ITPR2: variants seen among roughly 807,000 people sequenced by gnomAD.
The protein encoded by ITPR2 is inositol 1,4,5-trisphosphate receptor type 2.
ITPR2 carries 207 observed loss-of-function variants against 317.1 expected under a neutral mutation model. That is an observed-to-expected ratio of 0.65 (90% CI 0.58 to 0.73). The LOEUF (loss-of-function observed/expected upper bound fraction) is 0.73, where lower values mean the gene tolerates loss of function less well. Among genes scored for constraint, ITPR2 ranks in the 30% least tolerant of loss-of-function variants. The pLI is 0.00. For missense variants in ITPR2, 2,613 were observed against 3,284.0 expected (o/e 0.80, Z 4.99); for synonymous variants, 1,156 against 1,149.1 (o/e 1.01, Z -0.12).
At chr12:26,416,394 GT>G (rs540789738) in intron 50 of ITPR2, among the ~76,000 whole-genome samples, 119 of 152,258 alleles carry the variant, frequency 7.8e-4, no homozygotes, top group African/African-American at 2.8e-3. Context: ...ATAAATATCT[GT>G]TTGGAAATGA....
At chr12:26,785,322 C>G (rs1294710216) in intron 2 of ITPR2, among the ~76,000 whole-genome samples, 2 of 44,090 alleles carry the variant, frequency 4.5e-5, no homozygotes, top group Non-Finnish European at 1.2e-4. Flanking sequence ...GCCCCCCGCC[C>G]GGCCAGCCGC....
chr12:26,687,138 T>C (rs1316174511), intron 10 of ITPR2, among the ~76,000 whole-genome samples: 1 of 152,148 alleles, frequency 6.6e-6, no homozygotes, highest in African/African-American at 2.4e-5. Flanking sequence ...GAACATACTA[T>C]AATTGCATAA....
intron 2 of ITPR2, among the ~76,000 whole-genome samples, chr12:26,755,863 T>G (rs1949512120): frequency 6.6e-6 from 1 of 152,128 alleles, no homozygotes; most frequent in African/African-American, 2.4e-5. Flanking sequence ...TGACCTGTAG[T>G]AAGTAAAGAA....
intron 37 of ITPR2, among the ~76,000 whole-genome samples, chr12:26,514,396 T>C (rs1393125854): frequency 1.3e-5 from 2 of 152,262 alleles, no homozygotes; most frequent in East Asian, 1.9e-4. Context: ...GTTTCTAAGC[T>C]TGAAAGAAAT....
chr12:26,683,003 A>T (rs1948064897), intron 11 of ITPR2, among the ~76,000 whole-genome samples: 1 of 152,198 alleles, frequency 6.6e-6, no homozygotes, highest in Non-Finnish European at 1.5e-5. Flanking sequence ...GAGTGGTTTA[A>T]TAGGTTCTCC....
At chr12:26,742,470 GACAA>G in intron 2 of ITPR2, among the ~76,000 whole-genome samples, 1 of 152,256 alleles carries the variant, frequency 6.6e-6, no homozygotes, top group Non-Finnish European at 1.5e-5. Flanking sequence ...CTGATAGATG[GACAA>G]ACAAAATATG....
At chr12:26,447,603 T>C (rs1254135305) in intron 45 of ITPR2, among the ~76,000 whole-genome samples, 1 of 152,026 alleles carries the variant, frequency 6.6e-6, no homozygotes, top group Non-Finnish European at 1.5e-5. Context: ...GTTTTTTTAA[T>C]GTGAGTTTCA....
At chr12:26,573,985 T>C (rs1355528992) in intron 34 of ITPR2, among the ~76,000 whole-genome samples, 2 of 152,148 alleles carry the variant, frequency 1.3e-5, no homozygotes, top group Non-Finnish European at 2.9e-5. Context: ...CCGATGATGG[T>C]AGATTTGGAC....
intron 20 of ITPR2, 145 bp from the exon 21 acceptor site, chr12:26,654,271 A>C: frequency 1.6e-6 from 1 of 623,064 alleles, no homozygotes; most frequent in South Asian, 2.4e-5. Flanking sequence ...TAGGAATTAA[A>C]ATACTTGCAA....
chr12:26,710,578 A>C (rs1295822121), intron 9 of ITPR2, among the ~76,000 whole-genome samples: 1 of 152,264 alleles, frequency 6.6e-6, no homozygotes, highest in Non-Finnish European at 1.5e-5. Flanking sequence ...ACTTTAATTA[A>C]AACATTTGTA....
chr12:26,681,871 T>TACTC lies in ITPR2; in HGVS notation c.1409+2_1409+3insGAGT, dbSNP rs111626763. ...ATTATTTAAGACCAATTTAAAGAGT[T>TACTC]ACCTCCTTTCATTCTGAGTTATTGT... On this transcript the variant is annotated splice_region_variant and intron_variant, in intron 13 of 56. Transcript: ENST00000381340. 976,678 of 1,588,606 alleles carry TACTC rather than the reference T, an allele frequency of 0.61. 304,836 individuals carry two copies. The highest frequency in any genetic ancestry group is 0.74 in the African/African-American group (54,542 of 74,090).
At chr12:26,452,750 T>C (rs1941771168) in intron 45 of ITPR2, among the ~76,000 whole-genome samples, 1 of 152,124 alleles carries the variant, frequency 6.6e-6, no homozygotes, top group Non-Finnish European at 1.5e-5. Flanking sequence ...CCTGCTTCCT[T>C]TTCCTTTCTC....
intron 37 of ITPR2, among the ~76,000 whole-genome samples, chr12:26,537,633 G>A (rs1411220753): frequency 9.2e-5 from 14 of 152,042 alleles, no homozygotes; most frequent in East Asian, 1.9e-4. Flanking sequence ...TTGTCCATGA[G>A]TCCTCATTTA....
At chr12:26,784,363 CTCCACGGTCTCCT>C in intron 2 of ITPR2, among the ~76,000 whole-genome samples, 1 of 66,830 alleles carries the variant, frequency 1.5e-5, no homozygotes, top group South Asian at 4.9e-4. Flanking sequence ...CTCCCTCTCC[CTCCACGGTCTCCT>C]TCCACGGTCT....
At chr12:26,645,970 C>CTTTTTTTTTTTTTTT (rs777192053) in intron 21 of ITPR2, among the ~76,000 whole-genome samples, 21 of 119,004 alleles carry the variant, frequency 1.8e-4, no homozygotes, top group Non-Finnish European at 2.4e-4. Context: ...TCTTTCTTTC[C>CTTTTTTTTTTTTTTT]TTTTTTTTTT....
intron 45 of ITPR2, among the ~76,000 whole-genome samples, chr12:26,463,231 C>A (rs1942086588): frequency 6.6e-6 from 1 of 152,116 alleles, no homozygotes; most frequent in South Asian, 2.1e-4. Flanking sequence ...ATTAAATAAT[C>A]ATTTTAAGAC....
chr12:26,407,785 G>C (rs773287840), intron 52 of ITPR2, among the ~76,000 whole-genome samples: 3 of 152,084 alleles, frequency 2.0e-5, no homozygotes, highest in Non-Finnish European at 4.4e-5. Context: ...CTTTCCTTAG[G>C]GTCCCTACCG....
At chr12:26,585,551 C>T (rs1945504585) in intron 32 of ITPR2, among the ~76,000 whole-genome samples, 1 of 152,060 alleles carries the variant, frequency 6.6e-6, no homozygotes, top group East Asian at 1.9e-4. Context: ...ACTACAGGCG[C>T]ATGCCACAAC....
In ITPR2 at chr12:26,439,171, G is replaced by A. The variant is rs767929976; in HGVS notation, c.6599C>T (p.Thr2200Ile). 11 of 1,611,724 alleles carry A rather than the reference G, an allele frequency of 6.8e-6. No homozygotes were observed. The highest frequency in any genetic ancestry group is 1.1e-5 in the South Asian group (1 of 90,526). Residue 2200 changes from threonine (T) to isoleucine (I), a missense_variant, in exon 47 of 57, where the codon ACA becomes ATA. Around this residue, in one of 9 missense-constraint regions of ITPR2, gnomAD observed 926 missense variants for 1,072.8 expected, o/e 0.86. Transcript: ENST00000381340. ...CTTCATTTCATTGTAGAGATCTTCT[G>A]TTTGCTGGAAAAAGTCATTCACTTT... ...GSKVNDFFQQ[T>I]EDLYNEMKWQ...
Sources: allele counts gnomAD v4.1 joint callset (sites outside exome capture counted in the v4.1 genomes callset), GRCh38; gene constraint gnomAD v4.1.1; regional missense constraint gnomAD v4.1.1; transcripts MANE v1.5; gene names NCBI Gene and HGNC (gene_info 2026-07-23, HGNC 2026-07-21).